The following BTN2A2 variants were observed in gnomAD, a reference collection of about 807,000 sequenced individuals.
The protein encoded by BTN2A2 is butyrophilin 2.
BTN2A2 carries 29 observed loss-of-function variants against 34.7 expected under a neutral mutation model. The observed-to-expected ratio is 0.84, with a 90% CI of 0.62 to 1.14. The LOEUF (loss-of-function observed/expected upper bound fraction) is 1.14. BTN2A2 is among the 50% of genes most tolerant of loss of function. The pLI is 0.00. For missense variants in BTN2A2, 612 were observed against 651.5 expected (o/e 0.94, Z 0.66); for synonymous variants, 240 against 253.1 (o/e 0.95, Z 0.49).
chr6:26,393,542 A>T lies in BTN2A2; in HGVS notation c.*575A>T, dbSNP rs906625977. 9.8e-7 allele frequency: 1 copy of T among 1,016,412 alleles called. No homozygotes were observed. Among genetic ancestry groups the T allele is most frequent in the Non-Finnish European group, 1.2e-6 (1 of 849,018 alleles). The allele number at this position is 1,016,412 out of a possible 1,614,324, so 63.0% of individuals were successfully genotyped here. A position where few individuals can be genotyped will look rare whatever the true frequency, so the allele number is the denominator to read the frequency against. ...TGGCTCATTTCCACCCAACCCCAGGATTTCCACAGCACACACCCACAGGCC... is the reference window on the plus strand; with the variant it reads ...TGGCTCATTTCCACCCAACCCCAGGTTTTCCACAGCACACACCCACAGGCC... On this transcript the variant is annotated 3_prime_UTR_variant, in exon 8 of 8. Transcript: ENST00000356709.
intron 3 of BTN2A2, among the ~76,000 whole-genome samples, chr6:26,386,329 A>G (rs898221378): frequency 3.3e-5 from 5 of 151,106 alleles, no homozygotes; most frequent in African/African-American, 1.2e-4. Context: ...CAGTTAGTGT[A>G]TTTTGCTTTA....
chr6:26,392,948 G>C lies in BTN2A2; in HGVS notation c.1553G>C (p.Gly518Ala). The change falls in exon 8 of 8, where the codon GGG (glycine) becomes GCG (alanine). Residue 518 changes from glycine to alanine, a missense_variant. Coordinates refer to ENST00000356709, the MANE Select transcript of BTN2A2 (RefSeq NM_006995.5). ...PEEGLKLHRV[G>A]THQSL Reference sequence around the variant, plus strand: ...GAGGGCCTGAAACTTCACAGAGTGGGGACCCACCAGAGCCTATAGAATCAA... The same window carrying C: ...GAGGGCCTGAAACTTCACAGAGTGGCGACCCACCAGAGCCTATAGAATCAA... 1 of 1,614,110 alleles carries C rather than the reference G, an allele frequency of 6.2e-7. No homozygotes were observed. Among genetic ancestry groups the C allele is most frequent in the African/African-American group, 1.3e-5 (1 of 75,006 alleles).
chr6:26,384,933 T>G lies in BTN2A2; in HGVS notation c.95-82T>G. On this transcript the variant is annotated intron_variant, in intron 2 of 7. Transcript: ENST00000356709. The surrounding 1 kb of genome is among the most constrained non-coding windows in gnomAD (Gnocchi z 4.0). ...TCATCCCTGGAGTTTTTTTTGTTTG[T>G]TTGTTTTTGTTTTTTGTTTTTTGTT... 3 of 1,369,040 alleles carry G rather than the reference T, an allele frequency of 2.2e-6. No individual in the cohort carries two copies. Among genetic ancestry groups the G allele is most frequent in the Non-Finnish European group, 2.9e-6 (3 of 1,022,728 alleles). 84.8% of individuals were successfully genotyped at this position (1,369,040 alleles called of 1,614,324 possible). A position where few individuals can be genotyped will look rare whatever the true frequency, so the allele number is the denominator to read the frequency against.
intron 4 of BTN2A2, among the ~76,000 whole-genome samples, chr6:26,389,473 A>C (rs1015199252): frequency 4.6e-5 from 7 of 152,202 alleles, no homozygotes; most frequent in African/African-American, 1.7e-4. Context: ...TGTGGCTGAA[A>C]TGGAGTGAGT....
In BTN2A2 at chr6:26,393,750, C is replaced by G; in HGVS notation, c.*783C>G. The G allele has an allele frequency of 1.0e-6, 1 of 986,768 alleles. No homozygotes were observed. Among genetic ancestry groups the G allele is most frequent in the Non-Finnish European group, 1.2e-6 (1 of 831,004 alleles). 61.1% of individuals were successfully genotyped at this position (986,768 alleles called of 1,614,324 possible). On this transcript the variant is annotated 3_prime_UTR_variant, in exon 8 of 8. Coordinates refer to ENST00000356709, the MANE Select transcript of BTN2A2 (RefSeq NM_006995.5). ...CAGCATTCAGGTTCAATGGGGACAC[C>G]AGTGGCTTCAAACTTCCTGATCTAA... is the stretch of plus-strand genomic sequence containing the variant.
chr6:26,394,327 T>C lies in BTN2A2; in HGVS notation c.*1360T>C, dbSNP rs1266146913. Reference sequence around the variant, plus strand: ...CAACCTGACTGGATTAAGGAATACCTAGACAGCTGGTACAACATTATTTCT... The same window carrying C: ...CAACCTGACTGGATTAAGGAATACCCAGACAGCTGGTACAACATTATTTCT... On this transcript the variant is annotated 3_prime_UTR_variant, in exon 8 of 8. Coordinates refer to ENST00000356709, the MANE Select transcript of BTN2A2 (RefSeq NM_006995.5). The C allele has an allele frequency of 8.6e-6, 6 of 700,594 alleles. No individual in the cohort carries two copies. The Admixed American group carries it at 1.2e-4, about 14-fold the overall frequency. The allele number at this position is 700,594 out of a possible 1,614,324, so 43.4% of individuals were successfully genotyped here. A position where few individuals can be genotyped will look rare whatever the true frequency, so the allele number is the denominator to read the frequency against.
chr6:26,393,843 T>C lies in BTN2A2; in HGVS notation c.*876T>C. 8 of 853,720 alleles carry C rather than the reference T, an allele frequency of 9.4e-6. No individual in the cohort carries two copies. Among genetic ancestry groups the C allele is most frequent in the Non-Finnish European group, 1.1e-5 (8 of 709,408 alleles). The allele number at this position is 853,720 out of a possible 1,614,324, so 52.9% of individuals were successfully genotyped here. On this transcript the variant is annotated 3_prime_UTR_variant, in exon 8 of 8. Coordinates refer to ENST00000356709, the MANE Select transcript of BTN2A2 (RefSeq NM_006995.5). ...GCTTTTGTTTATTTGGGTTAATATT[T>C]ATGACATTTGACATTGAAACAAAAA...
In BTN2A2 at chr6:26,385,332, G is replaced by T; in HGVS notation, c.412G>T (p.Asp138Tyr). The T allele has an allele frequency of 6.2e-7, 1 of 1,613,972 alleles. No homozygotes were observed. Among genetic ancestry groups the T allele is most frequent in the Non-Finnish European group, 8.5e-7 (1 of 1,179,886 alleles). Residue 138 changes from aspartate to tyrosine, a missense_variant, in exon 3 of 8, where the codon GAT (aspartate) becomes TAT (tyrosine). By Grantham distance (160) the Asp-to-Tyr change is radical. Transcript: ENST00000356709. ...RCYFQEGRSYDEAILRLVVAG... is the reference protein window; with the variant it reads ...RCYFQEGRSYYEAILRLVVAG... ...TTACTTCCAAGAAGGCAGGTCCTAC[G>T]ATGAGGCCATCCTACGCCTCGTGGT...
In BTN2A2 at chr6:26,394,123, A is replaced by C; in HGVS notation, c.*1156A>C. 1 of 565,762 alleles carries C rather than the reference A, an allele frequency of 1.8e-6. No individual in the cohort carries two copies. Among genetic ancestry groups the C allele is most frequent in the Non-Finnish European group, 3.1e-6 (1 of 317,716 alleles). 35.0% of individuals were successfully genotyped at this position (565,762 alleles called of 1,614,324 possible). The stretch of plus-strand genomic sequence containing the variant: ...GCTCAAAAAAACTTTACTGCACACT[A>C]CTGAGAGAATGAGATGAAAAACGAT... On this transcript the variant is annotated 3_prime_UTR_variant, in exon 8 of 8. Coordinates refer to ENST00000356709, the MANE Select transcript of BTN2A2 (RefSeq NM_006995.5).
At chr6:26,388,409 G>A (rs1021716906) in intron 4 of BTN2A2, 115 bp downstream of exon 4, 1 of 1,257,034 alleles carries the variant, frequency 8.0e-7, no homozygotes, top group African/African-American at 1.5e-5. Context: ...TGGGCCCTGA[G>A]GAGCTGGAGG....
intron 7 of BTN2A2, chr6:26,392,004 A>G: frequency 1.7e-6 from 1 of 588,666 alleles, no homozygotes; most frequent in South Asian, 2.1e-5. Context: ...GTGATGGTTT[A>G]AGCCAAGTTG....
rs1396139021 is a variant in BTN2A2 at position 26,384,880 on chromosome 6, C to T, written c.95-135C>T. The T allele has an allele frequency of 1.0e-6, 1 of 974,920 alleles. No homozygotes were observed. The highest frequency in any genetic ancestry group is 1.8e-5 in the South Asian group (1 of 56,726). 60.4% of individuals were successfully genotyped at this position (974,920 alleles called of 1,614,324 possible). A position where few individuals can be genotyped will look rare whatever the true frequency, so the allele number is the denominator to read the frequency against. ...CAGAAGGGTTCTCAGCCCAAGAACC[C>T]CTGTAGCCTTGGAATATCTGCTTCC... On this transcript the variant is annotated intron_variant, in intron 2 of 7. Transcript: ENST00000356709. This position sits in a 1 kb window ranked among gnomAD's most constrained non-coding sequence, Gnocchi z 4.0.
intron 3 of BTN2A2, among the ~76,000 whole-genome samples, chr6:26,387,644 T>C (rs755068607): frequency 5.3e-5 from 8 of 151,994 alleles, no homozygotes; most frequent in Non-Finnish European, 1.0e-4. Flanking sequence ...TGTATTATTT[T>C]AGAGCTTCAG....
Position 26,383,661 on chromosome 6 carries a change from G to A in BTN2A2, c.-30-131G>A, listed in dbSNP as rs1330453805. 1 of 704,978 alleles carries A rather than the reference G, an allele frequency of 1.4e-6. No individual in the cohort carries two copies. Among genetic ancestry groups the A allele is most frequent in the East Asian group, 2.5e-5 (1 of 40,352 alleles). The allele number at this position is 704,978 out of a possible 1,614,324, so 43.7% of individuals were successfully genotyped here. A position where few individuals can be genotyped will look rare whatever the true frequency, so the allele number is the denominator to read the frequency against. ...GAATCCCTCTTTCGGAGATACCTGA[G>A]CCTTGAGATGCAAGCGACTCCCAGA... On this transcript the variant is annotated intron_variant, in intron 1 of 7. Coordinates refer to ENST00000356709, the MANE Select transcript of BTN2A2 (RefSeq NM_006995.5). The surrounding 1 kb of genome is among the most constrained non-coding windows in gnomAD (Gnocchi z 4.4).
At position 26,394,270 on chromosome 6, in the gene BTN2A2, A is replaced by C. The variant is rs1386494156; in HGVS notation, c.*1303A>C. On this transcript the variant is annotated 3_prime_UTR_variant, in exon 8 of 8. Transcript: ENST00000356709. ...TGAAACTAGAATAGTGGATCCTGGA[A>C]GTTAATCCATGTGCTGGTTAATTTT... 2.9e-6 allele frequency: 2 copies of C among 700,740 alleles called. No homozygotes were observed. Among genetic ancestry groups the C allele is most frequent in the Admixed American group, 4.0e-5 (2 of 49,976 alleles). The allele number at this position is 700,740 out of a possible 1,614,324, so 43.4% of individuals were successfully genotyped here.
chr6:26,386,783 G>A (rs956732445), intron 3 of BTN2A2, among the ~76,000 whole-genome samples: 3 of 152,116 alleles, frequency 2.0e-5, no homozygotes, highest in Non-Finnish European at 4.4e-5. Context: ...ATGCTTACCC[G>A]TATTGAACCC....
chr6:26,392,282 C>T (rs1225258104), intron 7 of BTN2A2, 93 bp from the exon 8 acceptor site: 2 of 1,596,314 alleles, frequency 1.3e-6, no homozygotes, highest in Non-Finnish European at 8.5e-7. Context: ...GGGGAACCCC[C>T]TTCAGCTTTC....
rs2113735536 is a variant in BTN2A2 at position 26,383,569 on chromosome 6, G to A, written c.-30-223G>A. ...AAACCGGACTGTGGCCCGAGAAGTG[G>A]GAAGAGGAAGGAGGAAAACGGCCCC... is the stretch of plus-strand genomic sequence containing the variant. On this transcript the variant is annotated intron_variant, in intron 1 of 7. Transcript: ENST00000356709. The surrounding 1 kb of genome is among the most constrained non-coding windows in gnomAD (Gnocchi z 4.4). 1 of 473,926 alleles carries A rather than the reference G, an allele frequency of 2.1e-6. No individual in the cohort carries two copies. The highest frequency in any genetic ancestry group is 3.9e-5 in the East Asian group (1 of 25,922). The allele number at this position is 473,926 out of a possible 1,614,324, so 29.4% of individuals were successfully genotyped here. A position where few individuals can be genotyped will look rare whatever the true frequency, so the allele number is the denominator to read the frequency against.
intron 4 of BTN2A2, among the ~76,000 whole-genome samples, chr6:26,388,699 A>T (rs1345786376): frequency 6.6e-6 from 1 of 152,244 alleles, no homozygotes; most frequent in Non-Finnish European, 1.5e-5. Context: ...CCCTATCAAG[A>T]GACATTCATA....
Sources: gnomAD v4.1 joint callset for allele counts (sites outside exome capture counted in the v4.1 genomes callset) on GRCh38, gnomAD v4.1.1 for gene constraint, Gnocchi (gnomAD v3.1) non-coding constraint, MANE v1.5 for transcripts, NCBI Gene and HGNC (gene_info 2026-07-23, HGNC 2026-07-21) for gene names.